The following BCAS3 variants were observed in gnomAD, a reference collection of about 807,000 sequenced individuals.
BCAS3 encodes BCAS3 microtubule associated cell migration factor, also known as BCAS4/BCAS3 fusion.
Under a neutral mutation model 116.1 loss-of-function variants are expected in BCAS3, and 53 were observed. The ratio of observed to expected loss-of-function variants is 0.46; its 90% CI spans 0.37 to 0.57. The LOEUF (loss-of-function observed/expected upper bound fraction) is 0.57. BCAS3 is among the 20% of genes least tolerant of loss of function. The probability of loss-of-function intolerance (pLI) is 0.00; values close to 1 mark genes in which losing one functional copy is unlikely to be tolerated. For synonymous variants in BCAS3, 391 were observed against 408.2 expected (o/e 0.96, Z 0.51); for missense variants, 917 against 1,165.4 (o/e 0.79, Z 3.10).
chr17:61,277,318 C>G (rs1022230064), intron 22 of BCAS3, among the ~76,000 whole-genome samples: 14 of 150,050 alleles, frequency 9.3e-5, no homozygotes, highest in Non-Finnish European at 1.5e-4. Context: ...CCACATGACC[C>G]TACCTCATAC....
chr17:60,904,490 G>A (rs1490306186), intron 11 of BCAS3, among the ~76,000 whole-genome samples: 3 of 151,952 alleles, frequency 2.0e-5, no homozygotes, highest in African/African-American at 2.4e-5. Context: ...GAACTGTGAG[G>A]CATATACTCA....
At chr17:60,937,432 TTGTC>T (rs1004124885) in intron 13 of BCAS3, among the ~76,000 whole-genome samples, 64 of 152,322 alleles carry the variant, frequency 4.2e-4, no homozygotes, top group African/African-American at 1.5e-3. Context: ...ATTTTTGTTT[TTGTC>T]TGTCTTCATT....
At chr17:61,296,599 G>T (rs138349022) in intron 22 of BCAS3, among the ~76,000 whole-genome samples, 19 of 152,234 alleles carry the variant, frequency 1.2e-4, no homozygotes, top group Middle Eastern at 3.4e-3. Flanking sequence ...ATGTTTTTCT[G>T]TAGGAAAAGA....
intron 6 of BCAS3, among the ~76,000 whole-genome samples, chr17:60,796,563 A>G (rs2047230178): frequency 6.6e-6 from 1 of 152,058 alleles, no homozygotes. Context: ...GTCAGTTGTA[A>G]TATCTCCTGT....
At chr17:61,067,837 C>T (rs2070888673) in intron 19 of BCAS3, among the ~76,000 whole-genome samples, 2 of 151,504 alleles carry the variant, frequency 1.3e-5, no homozygotes, top group South Asian at 4.1e-4. Context: ...CTCTTATTTA[C>T]TCACTATAAG....
chr17:60,688,309 AT>A (rs886864298), intron 3 of BCAS3: 13 of 149,700 alleles, frequency 8.7e-5, no homozygotes, highest in South Asian at 2.1e-4. Flanking sequence ...TTAGGGGAGA[AT>A]TTTTTTTTTG....
In BCAS3 at chr17:61,034,883, C is replaced by A; in HGVS notation, c.1762+93C>A. The A allele has an allele frequency of 7.8e-7, 1 of 1,288,076 alleles. No individual in the cohort carries two copies. The highest frequency in any genetic ancestry group is 1.1e-6 in the Non-Finnish European group (1 of 940,918). 79.8% of individuals were successfully genotyped at this position (1,288,076 alleles called of 1,614,324 possible). The stretch of plus-strand genomic sequence containing the variant: ...AGTTTCCCTAGAATAATCTTGTACC[C>A]AGTAGTCTGGAAACCAATTTTTTTA... On this transcript the variant is annotated intron_variant, in intron 17 of 23. Transcript: ENST00000407086. This position sits in a 1 kb window ranked among gnomAD's most constrained non-coding sequence, Gnocchi z 5.0.
At chr17:60,911,537 A>AAGTGG (rs2058512913) in intron 12 of BCAS3, among the ~76,000 whole-genome samples, 1 of 151,998 alleles carries the variant, frequency 6.6e-6, no homozygotes, top group Non-Finnish European at 1.5e-5. Context: ...ACCTCAAGTG[A>AAGTGG]TCTGTCCGCC....
At chr17:60,745,896 G>T (rs2041975274) in intron 5 of BCAS3, among the ~76,000 whole-genome samples, 1 of 152,074 alleles carries the variant, frequency 6.6e-6, no homozygotes, top group African/African-American at 2.4e-5. Context: ...AATATTTGTA[G>T]TTTGCAGCTC....
chr17:60,882,330 T>TC (rs202079098), intron 9 of BCAS3, among the ~76,000 whole-genome samples: 5,842 of 148,560 alleles, frequency 0.039, 367 homozygotes, highest in African/African-American at 0.14. Flanking sequence ...CATTGTAGAT[T>TC]CTGGATATTA....
At chr17:60,732,915 A>C (rs540461539) in intron 5 of BCAS3, among the ~76,000 whole-genome samples, 2 of 152,346 alleles carry the variant, frequency 1.3e-5, no homozygotes, top group South Asian at 4.1e-4. Context: ...TATTTTAACA[A>C]ATTTCTACGT....
rs2066219740 is a variant in BCAS3 at position 61,026,009 on chromosome 17, A to G, written c.1638-8657A>G. 6.6e-6 allele frequency among the ~76,000 whole-genome samples: 1 copy of G among 152,088 alleles called. No homozygotes were observed. Among genetic ancestry groups the G allele is most frequent in the Non-Finnish European group, 1.5e-5 (1 of 67,962 alleles). ...GTGCTTTTCTCCTCCATTTGTTATG[A>G]TTTCCAAATGTCAGATGTTACAGTA... On this transcript the variant is annotated intron_variant, in intron 16 of 23. Transcript: ENST00000407086. The surrounding 1 kb of genome is among the most constrained non-coding windows in gnomAD (Gnocchi z 5.0).
intron 22 of BCAS3, among the ~76,000 whole-genome samples, chr17:61,331,922 A>G (rs1280131711): frequency 6.6e-6 from 1 of 152,160 alleles, no homozygotes; most frequent in Non-Finnish European, 1.5e-5. Context: ...AACTGAGCCC[A>G]TGATGGGCTC....
intron 5 of BCAS3, among the ~76,000 whole-genome samples, chr17:60,736,089 G>A (rs1005111566): frequency 6.7e-6 from 1 of 149,630 alleles, no homozygotes; most frequent in African/African-American, 2.6e-5. Flanking sequence ...CCAGGCTGGA[G>A]TGCAGTGGTG....
chr17:61,194,600 TGTG>T lies in BCAS3; in HGVS notation c.2425+110044_2425+110046del, dbSNP rs570068638. On this transcript the variant is annotated intron_variant, in intron 22 of 23. Transcript: ENST00000407086. ...CTAAAACATACACAAATTAGTCAGGTGTGGTGGTGGGCAACTGTAATCCCAGCT... is the reference window on the plus strand; with the variant it reads ...CTAAAACATACACAAATTAGTCAGGTGTGGTGGGCAACTGTAATCCCAGCT... 2.0e-5 allele frequency among the ~76,000 whole-genome samples: 3 copies of T among 151,774 alleles called. No homozygotes were observed. The East Asian group carries it at 5.8e-4, about 30-fold the overall frequency.
chr17:61,037,915 T>A lies in BCAS3; in HGVS notation c.1789T>A (p.Ser597Thr), dbSNP rs752574146. 6.2e-7 allele frequency: 1 copy of A among 1,614,002 alleles called. No homozygotes were observed. The highest frequency in any genetic ancestry group is 8.5e-7 in the Non-Finnish European group (1 of 1,179,958). The change falls in exon 18 of 24, where the codon TCC (serine) becomes ACC (threonine). Residue 597 changes from serine (S) to threonine (T), a missense_variant. By Grantham distance (58) the Ser-to-Thr change is moderately conservative. Transcript: ENST00000407086. The surrounding 1 kb of genome is among the most constrained non-coding windows in gnomAD (Gnocchi z 4.7). Reference sequence around the variant, plus strand: ...TCAGTCCAAACAAGTTGTAGTTGAGTCCCTGTACATTATCAGTTGCTATGG... The same window carrying A: ...TCAGTCCAAACAAGTTGTAGTTGAGACCCTGTACATTATCAGTTGCTATGG... ...KDQSKQVVVE[S>T]LYIISCYGTL... is the part of the protein sequence containing the mutation.
chr17:61,376,411 A>G lies in BCAS3; in HGVS notation c.2593+7917A>G, dbSNP rs937060414. 6.6e-6 allele frequency among the ~76,000 whole-genome samples: 1 copy of G among 152,114 alleles called. No homozygotes were observed. Among genetic ancestry groups the G allele is most frequent in the African/African-American group, 2.4e-5 (1 of 41,414 alleles). ...ACCACCAAGCTGCTTTGATCTTTCC[A>G]GAGAATCTTCTCTCCTCTTCCTACA... On this transcript the variant is annotated intron_variant, in intron 23 of 23. Transcript: ENST00000407086. The surrounding 1 kb of genome is among the most constrained non-coding windows in gnomAD (Gnocchi z 4.5).
Position 61,198,826 on chromosome 17 carries a change from A to G in BCAS3, c.2425+114262A>G, listed in dbSNP as rs1292605942. 6.6e-6 allele frequency among the ~76,000 whole-genome samples: 1 copy of G among 152,216 alleles called. No homozygotes were observed. Among genetic ancestry groups the G allele is most frequent in the African/African-American group, 2.4e-5 (1 of 41,470 alleles). The stretch of plus-strand genomic sequence containing the variant: ...TTTAATTTCCTGACTCTTAGAGTCC[A>G]AATGTTTTCTTAGATTGATGTGGAT... On this transcript the variant is annotated intron_variant, in intron 22 of 23. Transcript: ENST00000407086. This position sits in a 1 kb window ranked among gnomAD's most constrained non-coding sequence, Gnocchi z 5.0.
At chr17:61,311,671 G>A (rs1238772400) in intron 22 of BCAS3, among the ~76,000 whole-genome samples, 1 of 152,172 alleles carries the variant, frequency 6.6e-6, no homozygotes, top group East Asian at 1.9e-4. Context: ...GAGGCGGGCA[G>A]ATAACGAGGT....
Sources: allele counts gnomAD v4.1 joint callset (sites outside exome capture counted in the v4.1 genomes callset), GRCh38; gene constraint gnomAD v4.1.1; non-coding constraint Gnocchi (gnomAD v3.1); transcripts MANE v1.5; gene names NCBI Gene and HGNC (gene_info 2026-07-23, HGNC 2026-07-21).